The following COL18A1 variants were observed in gnomAD, a reference collection of about 807,000 sequenced individuals.
The protein encoded by COL18A1 is collagen type XVIII alpha 1 chain.
COL18A1 carries 133 observed loss-of-function variants against 168.0 expected under a neutral mutation model. That is an observed-to-expected ratio of 0.79 (90% CI 0.69 to 0.91). The LOEUF is 0.91. Ranked by LOEUF, COL18A1 falls within the 40% of genes least tolerant of loss-of-function variation. COL18A1 has a pLI of 0.00. For missense variants in COL18A1, 2,126 were observed against 1,925.4 expected (o/e 1.10, Z -1.95); for synonymous variants, 949 against 809.0 (o/e 1.17, Z -2.94).
chr21:45,441,709 G>C (rs1280007319), intron 2 of COL18A1, among the ~76,000 whole-genome samples: 5 of 152,246 alleles, frequency 3.3e-5, no homozygotes, highest in Non-Finnish European at 5.9e-5. Context: ...GGTCTCCTCT[G>C]AGCAGGGCCA....
intron 26 of COL18A1, chr21:45,494,125 C>T (rs182243295): frequency 3.1e-4 from 110 of 355,872 alleles, no homozygotes; most frequent in South Asian, 1.7e-3. Context: ...GTGAGCCCTC[C>T]GGGGTGTTTG....
chr21:45,487,026 C>A lies in COL18A1; in HGVS notation c.1833+34C>A, dbSNP rs368566209. The A allele has an allele frequency of 6.5e-4, 958 of 1,482,982 alleles. 6 individuals are homozygous for A. In the African/African-American group the frequency reaches 0.012, roughly 19 times the overall value. The allele number at this position is 1,482,982 out of a possible 1,614,324, so 91.9% of individuals were successfully genotyped here. ...CGCCTACACCTGACCCCCTGGAGAG[C>A]CGGGGGCTGCCGTTGCCCCAGCCCT... is the stretch of plus-strand genomic sequence containing the variant. On this transcript the variant is annotated intron_variant, in intron 16 of 41. Transcript: ENST00000651438.
In COL18A1 at chr21:45,437,786, TCACACACAGA is replaced by T. The variant is rs1161679824; in HGVS notation, c.107-30449_107-30440del. 2.5e-4 allele frequency among the ~76,000 whole-genome samples: 5 copies of T among 20,136 alleles called. No homozygotes were observed. In the South Asian group the frequency reaches 7.0e-3, roughly 28 times the overall value. 13.2% of individuals were successfully genotyped at this position (20,136 alleles called of 152,430 possible). On this transcript the variant is annotated intron_variant, in intron 2 of 41. Transcript: ENST00000651438. ...CTCTCCTGCACACACACACACTCACTCACACACAGACACACAGGCACTCTCCTGCACACAC... is the reference window on the plus strand; with the variant it reads ...CTCTCCTGCACACACACACACTCACTCACACAGGCACTCTCCTGCACACAC...
At chr21:45,467,976 GTGCAGACACCATGTCTCC>G (rs908299378) in intron 2 of COL18A1, among the ~76,000 whole-genome samples, 4 of 152,164 alleles carry the variant, frequency 2.6e-5, no homozygotes, top group Admixed American at 2.6e-4. Context: ...ACCATGTCCC[GTGCAGACACCATGTCTCC>G]TGCAGACACC....
rs540307860 is a variant in COL18A1 at position 45,498,703 on chromosome 21, C to T, written c.2683+1042C>T. The T allele has an allele frequency of 5.1e-5, 33 of 642,030 alleles. No homozygotes were observed. The highest frequency in any genetic ancestry group is 4.6e-4 in the East Asian group (17 of 36,678). The allele number at this position is 642,030 out of a possible 1,614,324, so 39.8% of individuals were successfully genotyped here. A position where few individuals can be genotyped will look rare whatever the true frequency, so the allele number is the denominator to read the frequency against. ...ATCTCTCAGCGTCACACACGACGCC[C>T]AGGAAGGAGTGAATGATGCACAGAT... On this transcript the variant is annotated intron_variant, in intron 32 of 41. Transcript: ENST00000651438. The surrounding 1 kb of genome is among the most constrained non-coding windows in gnomAD (Gnocchi z 4.5).
At chr21:45,483,746 T>C (rs1392740608) in intron 15 of COL18A1, among the ~76,000 whole-genome samples, 4 of 150,726 alleles carry the variant, frequency 2.7e-5, no homozygotes, top group Non-Finnish European at 5.9e-5. Context: ...AGGATGGGGG[T>C]GATGAGGGAA....
intron 32 of COL18A1, among the ~76,000 whole-genome samples, chr21:45,501,956 TCCG>T (rs1333833063): frequency 1.7e-5 from 1 of 58,256 alleles, no homozygotes; most frequent in Non-Finnish European, 3.3e-5. Context: ...CTCAGGGGCC[TCCG>T]CAGCCGGTCA....
intron 3 of COL18A1, 38 bp downstream of exon 3, chr21:45,468,824 GCTGGGATGGGGTGGGGTGGGGGTGGCCA>G: frequency 6.6e-7 from 1 of 1,518,418 alleles, no homozygotes; most frequent in Non-Finnish European, 8.8e-7. Flanking sequence ...GACTGGAGCA[GCTGGGATGGGGTGGGGTGGGGGTGGCCA>G]CTGGGACAGG....
chr21:45,411,759 C>CGGGGGGGGGGGGG (rs1437966551), intron 2 of COL18A1, among the ~76,000 whole-genome samples: 2 of 7,576 alleles, frequency 2.6e-4, no homozygotes, highest in African/African-American at 9.0e-4. Context: ...GGGCTGATGG[C>CGGGGGGGGGGGGG]GGGGGGTGGG....
At chr21:45,417,071 C>T (rs1309474809) in intron 2 of COL18A1, among the ~76,000 whole-genome samples, 7 of 152,144 alleles carry the variant, frequency 4.6e-5, no homozygotes, top group East Asian at 3.9e-4. Flanking sequence ...TTCTGACTGT[C>T]GGTGTTCTTG....
At position 45,425,270 on chromosome 21, in the gene COL18A1, G is replaced by A. The variant is rs1375733879; in HGVS notation, c.106+19797G>A. Among the ~76,000 whole-genome samples the A allele has an allele frequency of 6.6e-6, 1 of 152,116 alleles. No homozygotes were observed. Among genetic ancestry groups the A allele is most frequent in the Non-Finnish European group, 1.5e-5 (1 of 68,028 alleles). ...CGTCTCCCCGGACACGCCTGTTGGA[G>A]CCCCGGCCGTGTGTGTGTGTGTGCT... On this transcript the variant is annotated intron_variant, in intron 2 of 41. Transcript: ENST00000651438. The surrounding 1 kb of genome is among the most constrained non-coding windows in gnomAD (Gnocchi z 4.1).
intron 2 of COL18A1, among the ~76,000 whole-genome samples, chr21:45,439,249 C>T (rs11701363): frequency 0.072 from 10,907 of 152,342 alleles, 488 homozygotes; most frequent in Non-Finnish European, 0.1. Flanking sequence ...TCTTCCGCAG[C>T]ACCCCAGGCA....
intron 2 of COL18A1, among the ~76,000 whole-genome samples, chr21:45,461,926 C>T (rs2035063172): frequency 6.6e-6 from 1 of 152,148 alleles, no homozygotes; most frequent in Non-Finnish European, 1.5e-5. Context: ...TGCTGGACTC[C>T]CTGGACCATT....
rs116450938 is a variant in COL18A1, at chr21:45,481,654, A to G, written c.1612-309A>G. ...AATTTGGGCTTAAAGAACATGCCTAATCCATATTCACGCATGTGGCCAGAC... is the reference window on the plus strand; with the variant it reads ...AATTTGGGCTTAAAGAACATGCCTAGTCCATATTCACGCATGTGGCCAGAC... On this transcript the variant is annotated intron_variant, in intron 13 of 41. Coordinates refer to ENST00000651438, the MANE Select transcript of COL18A1 (RefSeq NM_001379500.1). Among the ~76,000 whole-genome samples the G allele has an allele frequency of 1.5e-3, 227 of 152,314 alleles. 1 individual carries two copies. Among genetic ancestry groups the G allele is most frequent in the African/African-American group, 5.1e-3 (212 of 41,572 alleles).
intron 2 of COL18A1, chr21:45,456,841 C>G: frequency 6.6e-7 from 1 of 1,509,960 alleles, no homozygotes; most frequent in Non-Finnish European, 8.9e-7. Flanking sequence ...CGCTCCCGAC[C>G]CAGGAGGATG....
intron 6 of COL18A1, 21 bp downstream of exon 6, chr21:45,476,501 GGTGT>G: frequency 2.5e-6 from 4 of 1,581,080 alleles, no homozygotes; most frequent in Non-Finnish European, 3.4e-6. Context: ...TTCTGGATGT[GGTGT>G]GTGTGTGGTG....
Position 45,512,342 on chromosome 21 carries a change from C to T in COL18A1, c.3964C>T (p.His1322Tyr), listed in dbSNP as rs1318469474. 4 of 1,612,652 alleles carry T rather than the reference C, an allele frequency of 2.5e-6. No homozygotes were observed. In the African/African-American group the frequency reaches 4.0e-5, roughly 16 times the overall value. Reference protein sequence around the residue: ...RLLGQSAASCHHAYIVLCIEN... With the variant: ...RLLGQSAASCYHAYIVLCIEN... The stretch of plus-strand genomic sequence containing the variant: ...CCTGGGGCAGAGTGCCGCGAGCTGC[C>T]ATCACGCCTACATCGTGCTCTGCAT... Residue 1322 changes from histidine to tyrosine, a missense_variant, in exon 42 of 42, where the codon CAT becomes TAT. Coordinates refer to ENST00000651438, the MANE Select transcript of COL18A1 (RefSeq NM_001379500.1).
At chr21:45,428,288 G>T (rs2033864269) in intron 2 of COL18A1, among the ~76,000 whole-genome samples, 1 of 152,180 alleles carries the variant, frequency 6.6e-6, no homozygotes, top group Admixed American at 6.5e-5. Context: ...CTCTGAGGAA[G>T]GTGGGGCCAG....
At chr21:45,435,498 G>A (rs115194042) in intron 2 of COL18A1, among the ~76,000 whole-genome samples, 1,836 of 152,200 alleles carry the variant, frequency 0.012, 31 homozygotes, top group African/African-American at 0.041. Context: ...TGGGCAGCCC[G>A]TTCTTAGTGA....
Sources: gnomAD v4.1 joint callset for allele counts (sites outside exome capture counted in the v4.1 genomes callset) on GRCh38, gnomAD v4.1.1 for gene constraint, Gnocchi (gnomAD v3.1) non-coding constraint, MANE v1.5 for transcripts, NCBI Gene and HGNC (gene_info 2026-07-23, HGNC 2026-07-21) for gene names.